The following KIF26B variants were observed in gnomAD, a reference collection of about 807,000 sequenced individuals.
KIF26B encodes the protein kinesin family member 26B.
Under a neutral mutation model 151.2 loss-of-function variants are expected in KIF26B, and 63 were observed. The observed-to-expected ratio is 0.42, with a 90% CI of 0.34 to 0.51. KIF26B has a LOEUF of 0.51. Ranked by LOEUF, KIF26B falls within the 20% of genes least tolerant of loss-of-function variation. The pLI is 0.07. For synonymous variants in KIF26B, 1,357 were observed against 1,262.1 expected (o/e 1.08, Z -1.59); for missense variants, 2,813 against 2,913.6 (o/e 0.97, Z 0.79).
intron 2 of KIF26B, among the ~76,000 whole-genome samples, chr1:245,228,616 A>C (rs551007797): frequency 6.6e-6 from 1 of 152,274 alleles, no homozygotes; most frequent in South Asian, 2.1e-4. Flanking sequence ...GTAGGACTAG[A>C]GGAAAGAGTG....
chr1:245,560,823 G>A lies in KIF26B; in HGVS notation c.1350+19873G>A, dbSNP rs898387642. Among the ~76,000 whole-genome samples, 1 of 152,150 alleles carries A rather than the reference G, an allele frequency of 6.6e-6. No homozygotes were observed. Among genetic ancestry groups the A allele is most frequent in the Non-Finnish European group, 1.5e-5 (1 of 68,030 alleles). On this transcript the variant is annotated intron_variant, in intron 5 of 14. Transcript: ENST00000407071. The surrounding 1 kb of genome is among the most constrained non-coding windows in gnomAD (Gnocchi z 4.3). ...TCACTCTCTGTCCCCACAGCACAGG[G>A]ACAGCCTCCGCAGACTCCCGTGTGT...
At position 245,155,496 on chromosome 1, in the gene KIF26B, T is replaced by C. The variant is rs199501502; in HGVS notation, c.63+9T>C. On this transcript the variant is annotated intron_variant, in intron 1 of 14. Coordinates refer to ENST00000407071, the MANE Select transcript of KIF26B (RefSeq NM_018012.4). ...GGGGCAAGAAATACGGGGTAAGTTG[T>C]GACGGTACGACGCGGAGACGCGTTA... is the stretch of plus-strand genomic sequence containing the variant. 21 of 1,608,110 alleles carry C rather than the reference T, an allele frequency of 1.3e-5. No homozygotes were observed. The highest frequency in any genetic ancestry group is 1.8e-5 in the Non-Finnish European group (21 of 1,176,070).
intron 2 of KIF26B, among the ~76,000 whole-genome samples, chr1:245,270,179 C>T (rs1369900499): frequency 1.4e-5 from 2 of 143,804 alleles, no homozygotes; most frequent in Non-Finnish European, 3.1e-5. Context: ...CCCTTCTTCC[C>T]TTCCATTCCT....
intron 4 of KIF26B, among the ~76,000 whole-genome samples, chr1:245,458,735 G>C (rs960796041): frequency 6.6e-6 from 1 of 152,118 alleles, no homozygotes; most frequent in African/African-American, 2.4e-5. Context: ...TGCATCTGTT[G>C]GTAACACGGG....
intron 9 of KIF26B, among the ~76,000 whole-genome samples, chr1:245,630,046 C>T (rs895960983): frequency 1.3e-5 from 2 of 152,162 alleles, no homozygotes; most frequent in African/African-American, 2.4e-5. Context: ...CATCTCATGC[C>T]AGTCAGAATG....
chr1:245,319,257 TCTGA>T (rs748110668), intron 2 of KIF26B, among the ~76,000 whole-genome samples: 4 of 152,264 alleles, frequency 2.6e-5, no homozygotes, highest in Non-Finnish European at 4.4e-5. Flanking sequence ...TCCTGGGCTC[TCTGA>T]CTTTGAGACT....
chr1:245,515,391 T>G (rs1262983619), intron 4 of KIF26B, among the ~76,000 whole-genome samples: 1 of 152,192 alleles, frequency 6.6e-6, no homozygotes, highest in African/African-American at 2.4e-5. Flanking sequence ...GTCTTAAAGC[T>G]CTGCCTTCGG....
intron 2 of KIF26B, among the ~76,000 whole-genome samples, chr1:245,285,504 T>A (rs1320221350): frequency 1.3e-5 from 2 of 152,192 alleles, no homozygotes; most frequent in Non-Finnish European, 2.9e-5. Flanking sequence ...TTGCTAGTGC[T>A]GTGGATCTGT....
chr1:245,677,374 T>G (rs571471916), intron 10 of KIF26B, among the ~76,000 whole-genome samples: 1 of 152,382 alleles, frequency 6.6e-6, no homozygotes, highest in African/African-American at 2.4e-5. Flanking sequence ...ATCGGAAGAC[T>G]TGAGAACTTG....
Position 245,253,800 on chromosome 1 carries a change from C to CTTTTTTTTTT in KIF26B, c.465+97135_465+97144dup, listed in dbSNP as rs5782330. ...CCTGTCTATAGACTTTGAAGTCCTG[C>CTTTTTTTTTT]TTTTTTTTTTTTTTTTTTTTTTTTT... On this transcript the variant is annotated intron_variant, in intron 2 of 14. Transcript: ENST00000407071. Among the ~76,000 whole-genome samples, 12 of 72,172 alleles carry CTTTTTTTTTT rather than the reference C, an allele frequency of 1.7e-4. 1 individual carries two copies. Among genetic ancestry groups the CTTTTTTTTTT allele is most frequent in the African/African-American group, 7.3e-4 (12 of 16,384 alleles). 47.3% of individuals were successfully genotyped at this position (72,172 alleles called of 152,430 possible). A position where few individuals can be genotyped will look rare whatever the true frequency, so the allele number is the denominator to read the frequency against.
intron 2 of KIF26B, among the ~76,000 whole-genome samples, chr1:245,267,648 A>G (rs1406999739): frequency 9.6e-6 from 1 of 104,360 alleles, no homozygotes; most frequent in East Asian, 2.3e-4. Context: ...ACACACACAC[A>G]CACACACACA....
intron 10 of KIF26B, among the ~76,000 whole-genome samples, chr1:245,655,812 C>T (rs566216303): frequency 6.6e-6 from 1 of 152,286 alleles, no homozygotes; most frequent in Admixed American, 6.5e-5. Flanking sequence ...CTGTGTTGGA[C>T]TTAGTGAGAG....
In KIF26B at chr1:245,667,533, T is replaced by C. The variant is rs2044230673; in HGVS notation, c.2259-16700T>C. Among the ~76,000 whole-genome samples, 1 of 152,148 alleles carries C rather than the reference T, an allele frequency of 6.6e-6. No homozygotes were observed. The highest frequency in any genetic ancestry group is 2.1e-4 in the South Asian group (1 of 4,832). On this transcript the variant is annotated intron_variant, in intron 10 of 14. Transcript: ENST00000407071. The surrounding 1 kb of genome is among the most constrained non-coding windows in gnomAD (Gnocchi z 4.3). Reference sequence around the variant, plus strand: ...TAGGAAGAAAAAGAAAAGATGATGCTTTGGAAGCTGTAGGGTTGGGAAGCT... The same window carrying C: ...TAGGAAGAAAAAGAAAAGATGATGCCTTGGAAGCTGTAGGGTTGGGAAGCT...
chr1:245,642,842 C>T (rs1297240098), intron 9 of KIF26B, among the ~76,000 whole-genome samples: 1 of 152,108 alleles, frequency 6.6e-6, no homozygotes, highest in African/African-American at 2.4e-5. Flanking sequence ...TGTGACTGGG[C>T]CCTCTTGGGA....
Position 245,155,447 on chromosome 1 carries a change from A to C in KIF26B, c.23A>C (p.Lys8Thr). 1 of 1,612,646 alleles carries C rather than the reference A, an allele frequency of 6.2e-7. No individual in the cohort carries two copies. MNSVAGN[K>T]ERLAVSTRGK... ...ACCATGAATTCGGTAGCTGGGAATA[A>C]AGAGAGGCTTGCGGTCTCCACCAGG... The change falls in exon 1 of 15, where the codon AAA becomes ACA. Residue 8 changes from lysine (K) to threonine (T), a missense_variant. This residue lies in a region of KIF26B where 676 missense variants were observed against 688.1 expected (regional missense o/e 0.98). Coordinates refer to ENST00000407071, the MANE Select transcript of KIF26B (RefSeq NM_018012.4).
At position 245,663,505 on chromosome 1, in the gene KIF26B, G is replaced by T. The variant is rs149986500; in HGVS notation, c.2258+17225G>T. Reference sequence around the variant, plus strand: ...TCTCATTCTTGCATCTGTGGTTTCTGCTGGCTCTTTCTCATGGTGCCGTGT... The same window carrying T: ...TCTCATTCTTGCATCTGTGGTTTCTTCTGGCTCTTTCTCATGGTGCCGTGT... On this transcript the variant is annotated intron_variant, in intron 10 of 14. Transcript: ENST00000407071. Among the ~76,000 whole-genome samples the T allele has an allele frequency of 7.9e-5, 12 of 152,026 alleles. No homozygotes were observed. In the East Asian group the frequency reaches 2.3e-3, roughly 29 times the overall value.
Position 245,521,737 on chromosome 1 carries a change from G to C in KIF26B, c.1167-19030G>C, listed in dbSNP as rs1043278848. 1.5e-4 allele frequency among the ~76,000 whole-genome samples: 23 copies of C among 152,316 alleles called. 1 individual carries two copies. Among genetic ancestry groups the C allele is most frequent in the Admixed American group, 1.4e-3 (21 of 15,294 alleles). ...TCACTATAGACAAGGCAATTTTGGGGAATGCAGTTGTAGGAAAGATAGACA... is the reference window on the plus strand; with the variant it reads ...TCACTATAGACAAGGCAATTTTGGGCAATGCAGTTGTAGGAAAGATAGACA... On this transcript the variant is annotated intron_variant, in intron 4 of 14. Coordinates refer to ENST00000407071, the MANE Select transcript of KIF26B (RefSeq NM_018012.4).
At chr1:245,491,734 C>G (rs1006151130) in intron 4 of KIF26B, among the ~76,000 whole-genome samples, 1 of 152,182 alleles carries the variant, frequency 6.6e-6, no homozygotes, top group East Asian at 1.9e-4. Flanking sequence ...ATAGTGAAAC[C>G]CCATCTCTAC....
chr1:245,241,424 G>A lies in KIF26B; in HGVS notation c.465+84741G>A, dbSNP rs1670209022. Among the ~76,000 whole-genome samples the A allele has an allele frequency of 6.6e-6, 1 of 152,210 alleles. No individual in the cohort carries two copies. Among genetic ancestry groups the A allele is most frequent in the Non-Finnish European group, 1.5e-5 (1 of 68,040 alleles). ...GGTCTGGTTCTAAGTAGGAGAAGAG[G>A]TGGAACTTGGAGCTGGGCACCAGCT... is the stretch of plus-strand genomic sequence containing the variant. On this transcript the variant is annotated intron_variant, in intron 2 of 14. Coordinates refer to ENST00000407071, the MANE Select transcript of KIF26B (RefSeq NM_018012.4). The surrounding 1 kb of genome is among the most constrained non-coding windows in gnomAD (Gnocchi z 5.0).
Sources: gnomAD v4.1 joint callset for allele counts (sites outside exome capture counted in the v4.1 genomes callset) on GRCh38, gnomAD v4.1.1 for gene constraint, gnomAD v4.1.1 regional missense constraint, Gnocchi (gnomAD v3.1) non-coding constraint, MANE v1.5 for transcripts, NCBI Gene and HGNC (gene_info 2026-07-23, HGNC 2026-07-21) for gene names.